Variants in PLXDC2 observed in about 807,000 individuals in gnomAD.
The protein encoded by PLXDC2 is plexin domain containing 2.
Under a neutral mutation model 68.9 loss-of-function variants are expected in PLXDC2, and 40 were observed. That is an observed-to-expected ratio of 0.58 (90% CI 0.45 to 0.76). The LOEUF (loss-of-function observed/expected upper bound fraction) is 0.76, where lower values mean the gene tolerates loss of function less well. PLXDC2 is among the 30% of genes least tolerant of loss of function. PLXDC2 has a pLI of 0.00. For missense variants in PLXDC2, 644 were observed against 661.9 expected (o/e 0.97, Z 0.30); for synonymous variants, 243 against 234.2 (o/e 1.04, Z -0.34).
intron 4 of PLXDC2, among the ~76,000 whole-genome samples, chr10:20,101,233 G>A (rs1028313036): frequency 7.2e-5 from 11 of 152,106 alleles, no homozygotes; most frequent in East Asian, 1.9e-4. Context: ...CAAAGTAGGC[G>A]GATGGCTCTC....
intron 1 of PLXDC2, among the ~76,000 whole-genome samples, chr10:19,947,969 A>G (rs533240500): frequency 6.6e-6 from 1 of 152,260 alleles, no homozygotes; most frequent in South Asian, 2.1e-4. Flanking sequence ...GGGTCCAATA[A>G]GATATTTTAT....
chr10:20,081,729 C>T (rs1400810417), intron 4 of PLXDC2, among the ~76,000 whole-genome samples: 1 of 151,972 alleles, frequency 6.6e-6, no homozygotes, highest in Non-Finnish European at 1.5e-5. Flanking sequence ...CTCAACTGTC[C>T]AGGTCATTAA....
intron 1 of PLXDC2, among the ~76,000 whole-genome samples, chr10:19,981,626 A>G (rs1393417884): frequency 2.0e-5 from 3 of 152,202 alleles, no homozygotes; most frequent in African/African-American, 7.2e-5. Flanking sequence ...ATGGGTCAAG[A>G]TGGAGTTTCA....
chr10:19,945,977 G>A (rs1367747749), intron 1 of PLXDC2, among the ~76,000 whole-genome samples: 1 of 152,156 alleles, frequency 6.6e-6, no homozygotes, highest in Non-Finnish European at 1.5e-5. Flanking sequence ...AAGACAACAT[G>A]GATTCAAATT....
chr10:20,068,172 A>C lies in PLXDC2; in HGVS notation c.474A>C (p.Arg158Ser). 6.2e-7 allele frequency: 1 copy of C among 1,611,946 alleles called. No homozygotes were observed. The change falls in exon 4 of 14, where the codon AGA (arginine) becomes AGC (serine). Residue 158 changes from arginine to serine, a missense_variant and splice_region_variant. By Grantham distance (110) the Arg-to-Ser change is moderately radical. This residue lies in a region of PLXDC2 where 113 missense variants were observed against 167.1 expected (regional missense o/e 0.68). Transcript: ENST00000377252. ...ILSNTHRQAARVNLSFDFPFY... is the reference protein window; with the variant it reads ...ILSNTHRQAASVNLSFDFPFY... The stretch of plus-strand genomic sequence containing the variant: ...TTCTCTGGTGTTGTTCTTTGCAGAG[A>C]GTGAATCTGTCCTTCGATTTTCCAT...
rs1256137967 is a variant in PLXDC2, at chr10:19,816,805, C to G, written c.-275C>G. On this transcript the variant is annotated 5_prime_UTR_variant, in exon 1 of 14. Transcript: ENST00000377252. ...CGAGCCTCGGCTGCAAGTGGCCTCT[C>G]CTCCCCGCGGTTGTTGTTCAGTGTC... The G allele has an allele frequency of 3.1e-5, 16 of 513,778 alleles. No individual in the cohort carries two copies. Among genetic ancestry groups the G allele is most frequent in the Non-Finnish European group, 4.8e-5 (14 of 288,968 alleles). 31.8% of individuals were successfully genotyped at this position (513,778 alleles called of 1,614,324 possible).
intron 2 of PLXDC2, among the ~76,000 whole-genome samples, chr10:20,003,588 A>G (rs1237155976): frequency 6.6e-6 from 1 of 152,020 alleles, no homozygotes; most frequent in Non-Finnish European, 1.5e-5. Context: ...GTGCACCACC[A>G]CACCGGCTAA....
chr10:19,945,293 G>A (rs1408104832), intron 1 of PLXDC2, among the ~76,000 whole-genome samples: 2 of 152,176 alleles, frequency 1.3e-5, no homozygotes, highest in East Asian at 3.8e-4. Flanking sequence ...TCATTGAGGA[G>A]TCTGTCTTTT....
At chr10:20,098,078 G>T (rs186345469) in intron 4 of PLXDC2, among the ~76,000 whole-genome samples, 67 of 151,766 alleles carry the variant, frequency 4.4e-4, no homozygotes, top group African/African-American at 1.5e-3. Context: ...TTTTATTTGT[G>T]GGGGGCGGTA....
rs188998992 is a variant in PLXDC2, at chr10:20,029,604, A to T, written c.325-17265A>T. Among the ~76,000 whole-genome samples the T allele has an allele frequency of 4.7e-4, 72 of 152,292 alleles. 1 individual carries two copies. The East Asian group carries it at 9.1e-3, about 19-fold the overall frequency. On this transcript the variant is annotated intron_variant, in intron 2 of 13. Transcript: ENST00000377252. ...AAAAAATAAAAAATAAATAAATAAAAAAAGAACAAATACTTCTTGGGCTGC... is the reference window on the plus strand; with the variant it reads ...AAAAAATAAAAAATAAATAAATAAATAAAGAACAAATACTTCTTGGGCTGC...
chr10:19,892,840 C>T (rs1350626676), intron 1 of PLXDC2, among the ~76,000 whole-genome samples: 1 of 151,662 alleles, frequency 6.6e-6, no homozygotes, highest in East Asian at 1.9e-4. Context: ...AAATAAAACC[C>T]TTAGTATACA....
In PLXDC2 at chr10:19,882,208, G is replaced by A. The variant is rs1019422497; in HGVS notation, c.112+65017G>A. On this transcript the variant is annotated intron_variant, in intron 1 of 13. Coordinates refer to ENST00000377252, the MANE Select transcript of PLXDC2 (RefSeq NM_032812.9). ...GGTTCATGCAAAGTTAAAGCTGCTTGTTTTTCCTCCTAAGATCTTAAACAT... is the reference window on the plus strand; with the variant it reads ...GGTTCATGCAAAGTTAAAGCTGCTTATTTTTCCTCCTAAGATCTTAAACAT... 2.0e-5 allele frequency among the ~76,000 whole-genome samples: 3 copies of A among 152,158 alleles called. No homozygotes were observed. The East Asian group carries it at 5.8e-4, about 29-fold the overall frequency.
At chr10:20,123,556 G>A (rs1833728837) in intron 4 of PLXDC2, among the ~76,000 whole-genome samples, 1 of 152,158 alleles carries the variant, frequency 6.6e-6, no homozygotes, top group South Asian at 2.1e-4. Flanking sequence ...TAGATTTTAG[G>A]TCAGGTGAGA....
chr10:20,108,012 A>G (rs921159422), intron 4 of PLXDC2, among the ~76,000 whole-genome samples: 7 of 152,188 alleles, frequency 4.6e-5, no homozygotes, highest in Non-Finnish European at 8.8e-5. Flanking sequence ...AATTCTTTTT[A>G]TTAGACTTTT....
chr10:20,210,736 G>C (rs762944373), intron 9 of PLXDC2, among the ~76,000 whole-genome samples: 1 of 152,208 alleles, frequency 6.6e-6, no homozygotes. Context: ...TGCACGTAGA[G>C]TGGAATCCAG....
At chr10:19,901,082 G>A (rs1202971340) in intron 1 of PLXDC2, among the ~76,000 whole-genome samples, 1 of 151,160 alleles carries the variant, frequency 6.6e-6, no homozygotes, top group Non-Finnish European at 1.5e-5. Context: ...TTAATTGATG[G>A]ACATTTGGGC....
At chr10:19,999,445 C>T (rs958873255) in intron 1 of PLXDC2, among the ~76,000 whole-genome samples, 2 of 151,306 alleles carry the variant, frequency 1.3e-5, no homozygotes, top group Non-Finnish European at 2.9e-5. Flanking sequence ...TGGTTGACAC[C>T]ATTGCCTTAG....
chr10:20,222,561 G>T (rs1319527789), intron 12 of PLXDC2, among the ~76,000 whole-genome samples: 2 of 152,144 alleles, frequency 1.3e-5, no homozygotes, highest in African/African-American at 4.8e-5. Context: ...GAAATTCTAA[G>T]CTCTCTAAAT....
At chr10:20,153,904 T>G (rs998846710) in intron 6 of PLXDC2, among the ~76,000 whole-genome samples, 1 of 152,216 alleles carries the variant, frequency 6.6e-6, no homozygotes, top group Non-Finnish European at 1.5e-5. Flanking sequence ...CTTGACAGTC[T>G]TCCTTAGCCA....
Sources: gnomAD v4.1 joint callset for allele counts (sites outside exome capture counted in the v4.1 genomes callset) on GRCh38, gnomAD v4.1.1 for gene constraint, gnomAD v4.1.1 regional missense constraint, MANE v1.5 for transcripts, NCBI Gene and HGNC (gene_info 2026-07-23, HGNC 2026-07-21) for gene names.